Variants in EIF5B observed in about 807,000 individuals in gnomAD.
EIF5B encodes eIF-5B.
In EIF5B, 47 loss-of-function variants were observed where a neutral mutation model predicts 147.5. That is an observed-to-expected ratio of 0.32 (90% CI 0.25 to 0.41). EIF5B has a LOEUF of 0.41. Ranked by LOEUF, EIF5B falls within the 10% of genes least tolerant of loss-of-function variation. The pLI is 1.00. For missense variants in EIF5B, 1,064 were observed against 1,413.2 expected, an observed-to-expected ratio of 0.75 and a Z score of 3.96; for synonymous variants, 455 against 456.2, an observed-to-expected ratio of 1.00 and a Z score of 0.03.
At position 99,398,915 on chromosome 2, in the gene EIF5B, T is replaced by C; in HGVS notation, c.3555+6T>C. 6.2e-7 allele frequency: 1 copy of C among 1,611,306 alleles called. No individual in the cohort carries two copies. The highest frequency in any genetic ancestry group is 8.5e-7 in the Non-Finnish European group (1 of 1,178,960). ...CAGATATTCTTGTTAGTAAGGTAAG[T>C]ATTTCAGCAAAAGTGGCACACTTTA... On this transcript the variant is annotated splice_donor_region_variant and intron_variant, in intron 23 of 23. Transcript: ENST00000289371.
At chr2:99,383,890 G>A (rs1674743065) in intron 14 of EIF5B, among the ~76,000 whole-genome samples, 1 of 152,092 alleles carries the variant, frequency 6.6e-6, no homozygotes, top group South Asian at 2.1e-4. Context: ...TAATGTGGTT[G>A]GTGACTTTAA....
intron 18 of EIF5B, 123 bp downstream of exon 18, chr2:99,393,221 G>A: frequency 1.2e-6 from 1 of 824,776 alleles, no homozygotes; most frequent in Non-Finnish European, 1.7e-6. Flanking sequence ...CCATTTCTTG[G>A]CCTCTTAGCA....
chr2:99,385,652 A>C (rs1574938042), intron 14 of EIF5B, among the ~76,000 whole-genome samples: 1 of 152,272 alleles, frequency 6.6e-6, no homozygotes, highest in Non-Finnish European at 1.5e-5. Context: ...TTTTAGAAGC[A>C]CTACTAGGAA....
intron 15 of EIF5B, 47 bp downstream of exon 15, chr2:99,389,896 A>C: frequency 3.8e-6 from 6 of 1,559,212 alleles, no homozygotes; most frequent in Non-Finnish European, 5.2e-6. Flanking sequence ...CAGAATATGT[A>C]TTATATTATC....
rs1418431554 is a variant in EIF5B at position 99,361,714 on chromosome 2, A to G, written c.813A>G (p.Glu271=). The change falls in exon 4 of 24, where the codon GAA becomes GAG. Residue 271 remains glutamate, a synonymous_variant. Transcript: ENST00000289371. ...AAAAGGATCAGAGTAAACAAAAGGAATCTCAAAGGAAATTTGAAGAAGAAA... is the reference window on the plus strand; with the variant it reads ...AAAAGGATCAGAGTAAACAAAAGGAGTCTCAAAGGAAATTTGAAGAAGAAA... ...TGKKDQSKQK[E]SQRKFEEETV... 3 of 1,597,130 alleles carry G rather than the reference A, an allele frequency of 1.9e-6. No homozygotes were observed. The highest frequency in any genetic ancestry group is 2.6e-6 in the Non-Finnish European group (3 of 1,176,174).
At chr2:99,355,923 G>A (rs538946211) in intron 1 of EIF5B, among the ~76,000 whole-genome samples, 8 of 151,978 alleles carry the variant, frequency 5.3e-5, no homozygotes, top group Admixed American at 2.0e-4. Context: ...TCCCTGCTCA[G>A]TTTTTAAAAA....
At chr2:99,386,468 CGTGTGTGTGT>C (rs61494312) in intron 14 of EIF5B, among the ~76,000 whole-genome samples, 58,410 of 142,340 alleles carry the variant, frequency 0.41, 11,820 homozygotes, top group Admixed American at 0.55. Flanking sequence ...TTTTGTTTTG[CGTGTGTGTGT>C]GTGTGTGTGT....
chr2:99,376,292 A>G, intron 9 of EIF5B, 55 bp from the exon 10 acceptor site: 1 of 1,163,298 alleles, frequency 8.6e-7, no homozygotes, highest in Non-Finnish European at 1.2e-6. Flanking sequence ...TCTTATCTTG[A>G]TATAAATCTA....
rs182170989 is a variant in EIF5B at position 99,392,142 on chromosome 2, C to G, written c.2749-825C>G. 3.0e-3 allele frequency among the ~76,000 whole-genome samples: 454 copies of G among 151,902 alleles called. 5 individuals are homozygous for G. Among genetic ancestry groups the G allele is most frequent in the East Asian group, 0.028 (142 of 5,160 alleles). On this transcript the variant is annotated intron_variant, in intron 17 of 23. Coordinates refer to ENST00000289371, the MANE Select transcript of EIF5B (RefSeq NM_015904.4). The stretch of plus-strand genomic sequence containing the variant: ...TGTTGATGGGAAATGTAGGTGATCT[C>G]CAGTTTTTTATGTTTATTTTATTTT...
intron 15 of EIF5B, among the ~76,000 whole-genome samples, 144 bp from the exon 16 acceptor site, chr2:99,390,052 CTTTGCTATAATACAGTTAATGCT>C (rs1674891692): frequency 6.6e-6 from 1 of 152,084 alleles, no homozygotes; most frequent in Admixed American, 6.6e-5. Context: ...CTTAGAACTA[CTTTGCTATAATACAGTTAATGCT>C]TATAGGATAT....
chr2:99,382,983 A>G (rs1376260457), intron 14 of EIF5B, 62 bp downstream of exon 14: 52 of 1,494,850 alleles, frequency 3.5e-5, no homozygotes, highest in Non-Finnish European at 4.6e-5. Flanking sequence ...TTGTGATTAA[A>G]AAAAGTAGTA....
intron 8 of EIF5B, 151 bp from the exon 9 acceptor site, chr2:99,371,505 A>AT: frequency 7.9e-6 from 4 of 505,628 alleles, no homozygotes; most frequent in East Asian, 3.8e-5. Flanking sequence ...AAAAAAAAAA[A>AT]GATAGTTCTA....
intron 5 of EIF5B, among the ~76,000 whole-genome samples, 198 bp from the exon 6 acceptor site, chr2:99,364,073 T>G (rs1218078307): frequency 6.6e-6 from 1 of 152,230 alleles, no homozygotes; most frequent in African/African-American, 2.4e-5. Context: ...ATAAGTTGCT[T>G]ATGTATCATT....
At chr2:99,393,359 G>T (rs892607906) in intron 18 of EIF5B, among the ~76,000 whole-genome samples, 1 of 152,106 alleles carries the variant, frequency 6.6e-6, no homozygotes, top group Non-Finnish European at 1.5e-5. Context: ...CTAGAAGTCG[G>T]CTGGGCATGG....
chr2:99,393,650 G>A (rs533999136), intron 18 of EIF5B, among the ~76,000 whole-genome samples: 7 of 152,314 alleles, frequency 4.6e-5, no homozygotes, highest in African/African-American at 1.4e-4. Flanking sequence ...CTGGGGCCGT[G>A]TTTATTATTT....
At chr2:99,346,774 G>T (rs775916034) in intron 1 of EIF5B, among the ~76,000 whole-genome samples, 1 of 151,218 alleles carries the variant, frequency 6.6e-6, no homozygotes, top group African/African-American at 2.4e-5. Context: ...GTTTCATCGC[G>T]TTAGCCAGGA....
chr2:99,379,755 T>C (rs796700800), intron 12 of EIF5B, among the ~76,000 whole-genome samples: 3 of 152,306 alleles, frequency 2.0e-5, no homozygotes, highest in African/African-American at 7.2e-5. Flanking sequence ...TCTACTCTTT[T>C]CCCCTTCTAA....
chr2:99,342,803 T>C (rs1391113449), intron 1 of EIF5B, among the ~76,000 whole-genome samples: 1 of 152,022 alleles, frequency 6.6e-6, no homozygotes, highest in South Asian at 2.1e-4. Context: ...AGCTAATTTT[T>C]AAAAATTTTT....
In EIF5B at chr2:99,382,927, T is replaced by A; in HGVS notation, c.2271+6T>A. On this transcript the variant is annotated splice_donor_region_variant and intron_variant, in intron 14 of 23. Coordinates refer to ENST00000289371, the MANE Select transcript of EIF5B (RefSeq NM_015904.4). ...TCATTGTTGCACTCAATAAGGTATG[T>A]GCGCCTTCTGAAAAATTAACCTAGG... is the stretch of plus-strand genomic sequence containing the variant. The A allele has an allele frequency of 6.4e-7, 1 of 1,560,124 alleles. No homozygotes were observed. Among genetic ancestry groups the A allele is most frequent in the Non-Finnish European group, 8.6e-7 (1 of 1,159,102 alleles).
Sources: allele counts gnomAD v4.1 joint callset (sites outside exome capture counted in the v4.1 genomes callset), GRCh38; gene constraint gnomAD v4.1.1; transcripts MANE v1.5; gene names NCBI Gene and HGNC (gene_info 2026-07-23, HGNC 2026-07-21).